The following LDLRAP1 variants were observed in gnomAD, a reference collection of about 807,000 sequenced individuals.
LDLRAP1 encodes the protein low density lipoprotein receptor adapter protein 1.
In LDLRAP1, 30 loss-of-function variants were observed where a neutral mutation model predicts 37.8. That is an observed-to-expected ratio of 0.79 (90% CI 0.59 to 1.08). The LOEUF is 1.08. LDLRAP1 is among the 50% of genes least tolerant of loss of function. The probability of loss-of-function intolerance (pLI) is 0.00; values close to 1 mark genes in which losing one functional copy is unlikely to be tolerated. For synonymous variants in LDLRAP1, 156 were observed against 169.8 expected (o/e 0.92, Z 0.63); for missense variants, 375 against 401.6 (o/e 0.93, Z 0.57).
At position 25,566,999 on chromosome 1, in the gene LDLRAP1, G is replaced by C; in HGVS notation, c.*7G>C. 1.2e-6 allele frequency: 2 copies of C among 1,613,136 alleles called. No homozygotes were observed. The highest frequency in any genetic ancestry group is 1.7e-6 in the Non-Finnish European group (2 of 1,179,986). On this transcript the variant is annotated 3_prime_UTR_variant, in exon 9 of 9. Transcript: ENST00000374338. ...TGACCTCTTCAGCTTCTGAGGGCCC[G>C]GGGCCAGCCGGACACAAGCGGCCCT...
downstream of LDLRAP1, among the ~76,000 whole-genome samples, chr1:25,571,647 C>G (rs2044606061): frequency 6.6e-6 from 1 of 152,240 alleles, no homozygotes; most frequent in Non-Finnish European, 1.5e-5. Flanking sequence ...GCCTGGGACT[C>G]AGAGCCAGTG....
chr1:25,571,146 C>G (rs1417230302), downstream of LDLRAP1, among the ~76,000 whole-genome samples: 1 of 152,218 alleles, frequency 6.6e-6, no homozygotes, highest in Non-Finnish European at 1.5e-5. Flanking sequence ...CTGGTGTGCC[C>G]TGCTCTGCCT....
At chr1:25,571,687 TC>T (rs2044606358), downstream of LDLRAP1, among the ~76,000 whole-genome samples, 1 of 152,272 alleles carries the variant, frequency 6.6e-6, no homozygotes. Flanking sequence ...TGGCCCTGCC[TC>T]TGCAGGTCAC....
the LDLRAP1 span, chr1:25,581,778 A>G: frequency 4.6e-5 from 7 of 152,310 alleles, no homozygotes; most frequent in Admixed American, 2.6e-4. Flanking sequence ...CTGAGGTAGG[A>G]GGATTTGGGG....
In LDLRAP1 at chr1:25,557,168, A is replaced by G; in HGVS notation, c.360A>G (p.Thr120=). 3 of 1,614,098 alleles carry G rather than the reference A, an allele frequency of 1.9e-6. No homozygotes were observed. Among genetic ancestry groups the G allele is most frequent in the Non-Finnish European group, 2.5e-6 (3 of 1,179,936 alleles). The change falls in exon 4 of 9, where the codon ACA becomes ACG. Residue 120 remains threonine (T), a synonymous_variant. Transcript: ENST00000374338. ...TGCCTTTCAGGATCTCCTATTGCACAGCAGACAAGATGCACGACAAGGTGT... is the reference window on the plus strand; with the variant it reads ...TGCCTTTCAGGATCTCCTATTGCACGGCAGACAAGATGCACGACAAGGTGT... ...NVSIYRISYC[T]ADKMHDKVFA...
At position 25,562,624 on chromosome 1, in the gene LDLRAP1, T is replaced by A. The variant is rs765941457; in HGVS notation, c.460-20T>A. 1.2e-6 allele frequency: 2 copies of A among 1,611,992 alleles called. No individual in the cohort carries two copies. Among genetic ancestry groups the A allele is most frequent in the African/African-American group, 2.7e-5 (2 of 74,850 alleles). ...CTGGCTGACACTGCACCCCTCCCCA[T>A]CCCCACTTCCTGTTTTCAGGCACAG... is the stretch of plus-strand genomic sequence containing the variant. On this transcript the variant is annotated intron_variant, in intron 4 of 8. Coordinates refer to ENST00000374338, the MANE Select transcript of LDLRAP1 (RefSeq NM_015627.3).
At chr1:25,571,477 G>C (rs1322486526), downstream of LDLRAP1, among the ~76,000 whole-genome samples, 1 of 152,224 alleles carries the variant, frequency 6.6e-6, no homozygotes, top group Non-Finnish European at 1.5e-5. Context: ...GAAGGAGGGT[G>C]CACATCTTGA....
the LDLRAP1 span, chr1:25,590,320 G>A: frequency 1.3e-5 from 2 of 152,200 alleles, no homozygotes; most frequent in Non-Finnish European, 2.9e-5. Context: ...AGCCAGCTCT[G>A]CTAAACTACC....
downstream of LDLRAP1, among the ~76,000 whole-genome samples, chr1:25,573,574 C>A (rs936251152): frequency 2.6e-5 from 4 of 152,212 alleles, no homozygotes; most frequent in African/African-American, 9.6e-5. Context: ...TGCAGCAGAC[C>A]CCCTGGCACC....
At chr1:25,563,604 G>A in intron 6 of LDLRAP1, 57 bp from the exon 7 acceptor site, 3 of 1,606,870 alleles carry the variant, frequency 1.9e-6, no homozygotes, top group Non-Finnish European at 1.7e-6. Flanking sequence ...GCCCAGGGAG[G>A]GGGCCAGGAA....
chr1:25,549,321 A>C (rs990841788), intron 1 of LDLRAP1, among the ~76,000 whole-genome samples: 10 of 152,174 alleles, frequency 6.6e-5, no homozygotes, highest in African/African-American at 2.4e-4. Flanking sequence ...AGGCTGGGGG[A>C]GGCTGGAGGC....
chr1:25,577,108 C>A, the LDLRAP1 span, among the ~76,000 whole-genome samples: 1 of 152,240 alleles, frequency 6.6e-6, no homozygotes. Context: ...CCGCATTCAC[C>A]TCCTGAGAAA....
chr1:25,564,933 G>C, intron 7 of LDLRAP1: 1 of 544,764 alleles, frequency 1.8e-6, no homozygotes, highest in Non-Finnish European at 3.3e-6. Context: ...AACCCACCTG[G>C]GTCTCCAGAC....
rs113312986 is a variant in LDLRAP1 at position 25,544,005 on chromosome 1, G to T, written c.88+219G>T. On this transcript the variant is annotated intron_variant, in intron 1 of 8. Coordinates refer to ENST00000374338, the MANE Select transcript of LDLRAP1 (RefSeq NM_015627.3). This position sits in a 1 kb window ranked among gnomAD's most constrained non-coding sequence, Gnocchi z 4.8. The stretch of plus-strand genomic sequence containing the variant: ...CTCGATGCCGCTGCGAGGAGGGGCA[G>T]CGCTGAGGAAGGAGCCCGAGCTCGG... 6.6e-6 allele frequency among the ~76,000 whole-genome samples: 1 copy of T among 152,120 alleles called. No homozygotes were observed. Among genetic ancestry groups the T allele is most frequent in the Admixed American group, 6.5e-5 (1 of 15,284 alleles).
chr1:25,545,631 C>T (rs2043915664), intron 1 of LDLRAP1, among the ~76,000 whole-genome samples: 1 of 152,130 alleles, frequency 6.6e-6, no homozygotes, highest in Non-Finnish European at 1.5e-5. Flanking sequence ...GAGAGGAGCA[C>T]CTCTCCCCCT....
At chr1:25,578,272 G>T in the LDLRAP1 span, among the ~76,000 whole-genome samples, 1 of 152,204 alleles carries the variant, frequency 6.6e-6, no homozygotes, top group Non-Finnish European at 1.5e-5. Flanking sequence ...TCTTGCTGAT[G>T]ACTATAGACA....
intron 4 of LDLRAP1, 31 bp downstream of exon 4, chr1:25,557,298 G>A (rs1469632386): frequency 1.3e-6 from 2 of 1,562,188 alleles, no homozygotes; most frequent in African/African-American, 2.7e-5. Context: ...CGGGGACAGG[G>A]TCCAGTGGCC....
At chr1:25,581,089 C>T in the LDLRAP1 span, among the ~76,000 whole-genome samples, 2 of 152,102 alleles carry the variant, frequency 1.3e-5, no homozygotes, top group African/African-American at 2.4e-5. Flanking sequence ...GCTTGGGGGC[C>T]GGTCCTGGAC....
chr1:25,579,705 T>C, the LDLRAP1 span, among the ~76,000 whole-genome samples: 1 of 152,258 alleles, frequency 6.6e-6, no homozygotes, highest in South Asian at 2.1e-4. Flanking sequence ...TCAATAGCAG[T>C]GTCGACTCAG....
Sources: gnomAD v4.1 joint callset for allele counts (sites outside exome capture counted in the v4.1 genomes callset) on GRCh38, gnomAD v4.1.1 for gene constraint, Gnocchi (gnomAD v3.1) non-coding constraint, MANE v1.5 for transcripts, NCBI Gene and HGNC (gene_info 2026-07-23, HGNC 2026-07-21) for gene names.